The following ABCA10 variants were observed in gnomAD, a reference collection of about 807,000 sequenced individuals.
The protein encoded by ABCA10 is ATP binding cassette subfamily A member 10.
A neutral mutation model predicts 187.5 loss-of-function variants in ABCA10; 169 were observed. That is an observed-to-expected ratio of 0.90 (90% CI 0.80 to 1.02). The LOEUF (loss-of-function observed/expected upper bound fraction) is 1.02, where lower values mean the gene tolerates loss of function less well. Among genes scored for constraint, ABCA10 ranks in the 50% least tolerant of loss-of-function variants. The pLI, the probability that ABCA10 is intolerant of heterozygous loss-of-function variation, is 0.00. For missense variants in ABCA10, 1,727 were observed against 1,812.4 expected (o/e 0.95, Z 0.86); for synonymous variants, 574 against 601.8 (o/e 0.95, Z 0.68).
intron 27 of ABCA10, among the ~76,000 whole-genome samples, chr17:69,162,027 G>C (rs1642619957): frequency 6.6e-6 from 1 of 152,186 alleles, no homozygotes; most frequent in Admixed American, 6.5e-5. Flanking sequence ...ACAATTAACA[G>C]CAGAAACAAT....
At chr17:69,179,205 C>CA (rs5821701) in intron 22 of ABCA10, among the ~76,000 whole-genome samples, 97,129 of 147,900 alleles carry the variant, frequency 0.66, 32,315 homozygotes, top group Middle Eastern at 0.73. Flanking sequence ...AAAAACAAAA[C>CA]AAACAAAAAA....
intron 1 of ABCA10, among the ~76,000 whole-genome samples, chr17:69,237,168 A>G (rs1215247956): frequency 1.3e-5 from 2 of 152,222 alleles, no homozygotes; most frequent in East Asian, 1.9e-4. Context: ...CTTACGTTCT[A>G]TGAAATGACC....
exon 1 of ABCA10, chr17:69,244,709 T>A (rs910440333): frequency 2.6e-5 from 4 of 151,438 alleles, no homozygotes; most frequent in Non-Finnish European, 5.9e-5. Context: ...AAAAATACAG[T>A]ATGGTATTTT....
At chr17:69,217,083 T>TA (rs2074711901) in intron 6 of ABCA10, among the ~76,000 whole-genome samples, 1 of 151,748 alleles carries the variant, frequency 6.6e-6, no homozygotes. Context: ...CCATCTCTAC[T>TA]AAAAATACAA....
chr17:69,175,564 C>A, intron 22 of ABCA10, 51 bp from the exon 23 acceptor site: 2 of 1,392,424 alleles, frequency 1.4e-6, no homozygotes, highest in South Asian at 1.3e-5. Context: ...ACAAATTATA[C>A]AAACATTATA....
At chr17:69,233,669 AGT>A (rs1017889387), upstream of ABCA10, 4 of 152,292 alleles carry the variant, frequency 2.6e-5, no homozygotes, top group Admixed American at 6.5e-5. Flanking sequence ...CATTTATTCT[AGT>A]TTCCCCAATC....
intron 18 of ABCA10, 62 bp downstream of exon 18, chr17:69,190,296 A>G: frequency 6.8e-7 from 1 of 1,470,750 alleles, no homozygotes; most frequent in South Asian, 1.4e-5. Flanking sequence ...TATGAATTAG[A>G]ACATCATCTT....
chr17:69,165,042 A>G lies in ABCA10; in HGVS notation c.3204T>C (p.Tyr1068=). 1.3e-6 allele frequency: 2 copies of G among 1,597,126 alleles called. No individual in the cohort carries two copies. The highest frequency in any genetic ancestry group is 1.7e-6 in the Non-Finnish European group (2 of 1,164,780). ...TGCACAAAATTAAGTTGAGTTTTTC[A>G]TATTGAGTTGATACCATAATTGTGG... ...CVSTIMVSTQ[Y]EKLNLILCMI... The change falls in exon 26 of 39, where the codon TAT becomes TAC. Residue 1068 remains tyrosine (Y), a synonymous_variant. Coordinates refer to ENST00000690296, the MANE Select transcript of ABCA10 (RefSeq NM_001377321.1).
intron 1 of ABCA10, among the ~76,000 whole-genome samples, chr17:69,237,023 T>G (rs1168061909): frequency 1.3e-5 from 2 of 152,218 alleles, no homozygotes; most frequent in Non-Finnish European, 2.9e-5. Flanking sequence ...CAAAAGTTAT[T>G]ATTTTCTGGT....
Position 69,149,985 on chromosome 17 carries a change from C to T in ABCA10, c.4476G>A (p.Ala1492=), listed in dbSNP as rs762539015. The T allele has an allele frequency of 3.7e-6, 6 of 1,606,788 alleles. No individual in the cohort carries two copies. The highest frequency in any genetic ancestry group is 1.7e-4 in the Middle Eastern group (1 of 6,034). ...TTATTTATATATACCCAAACTTACT[C>T]GCCTCTAACTTGAAAAAGGCCCGAG... ...PLSRAFFKLE[A]MKQTFNLEEY... is the part of the protein sequence containing the mutation. Residue 1492 remains alanine (A), a splice_region_variant and synonymous_variant, in exon 37 of 39, where the codon GCG becomes GCA. Transcript: ENST00000690296.
chr17:69,155,252 G>A (rs1031266142), intron 29 of ABCA10, 116 bp from the exon 30 acceptor site: 2 of 744,152 alleles, frequency 2.7e-6, no homozygotes, highest in Admixed American at 2.8e-5. Context: ...CCAGGCTGAA[G>A]AGCTTTAGCC....
At chr17:69,157,872 T>C (rs1400081624) in intron 27 of ABCA10, among the ~76,000 whole-genome samples, 1 of 152,064 alleles carries the variant, frequency 6.6e-6, no homozygotes, top group Non-Finnish European at 1.5e-5. Flanking sequence ...ATAAATATTT[T>C]AGAAAATAAT....
At chr17:69,231,117 C>CA (rs905696409), upstream of ABCA10, among the ~76,000 whole-genome samples, 11 of 152,040 alleles carry the variant, frequency 7.2e-5, no homozygotes, top group African/African-American at 2.7e-4. Context: ...TCCGGAAGTC[C>CA]AAAAATCATT....
At position 69,148,783 on chromosome 17, in the gene ABCA10, C is replaced by CTAA; in HGVS notation, c.*43_*44insTTA. On this transcript the variant is annotated 3_prime_UTR_variant, in exon 39 of 39. Coordinates refer to ENST00000690296, the MANE Select transcript of ABCA10 (RefSeq NM_001377321.1). ...ATTCTTGTAGAATTATGGAAACTAACAATGTAGTAGGACCTAAAATTGAAT... is the reference window on the plus strand; with the variant it reads ...ATTCTTGTAGAATTATGGAAACTAACTAAAATGTAGTAGGACCTAAAATTGAAT... 1 of 1,452,106 alleles carries CTAA rather than the reference C, an allele frequency of 6.9e-7. No homozygotes were observed. Among genetic ancestry groups the CTAA allele is most frequent in the Non-Finnish European group, 9.6e-7 (1 of 1,046,880 alleles). The allele number at this position is 1,452,106 out of a possible 1,614,324, so 90.0% of individuals were successfully genotyped here.
chr17:69,220,046 T>C (rs758356672), intron 5 of ABCA10, among the ~76,000 whole-genome samples: 4 of 152,190 alleles, frequency 2.6e-5, no homozygotes, highest in Admixed American at 6.5e-5. Flanking sequence ...TTCATTCTCA[T>C]AGAGATTTAC....
chr17:69,218,934 T>C (rs972745875), intron 6 of ABCA10, among the ~76,000 whole-genome samples: 9 of 152,250 alleles, frequency 5.9e-5, no homozygotes, highest in African/African-American at 2.2e-4. Flanking sequence ...TGTCACTAAA[T>C]GTGAGGTTGT....
In ABCA10 at chr17:69,152,488, A is replaced by C. The variant is rs1046802897; in HGVS notation, c.4137-7T>G. ...GGTAGCCTGAAGTATCTGCCTAAAGATAAAGTAAGGGATTGTTTGCATTTA... is the reference window on the plus strand; with the variant it reads ...GGTAGCCTGAAGTATCTGCCTAAAGCTAAAGTAAGGGATTGTTTGCATTTA... On this transcript the variant is annotated splice_polypyrimidine_tract_variant and splice_region_variant and intron_variant, in intron 34 of 38. Transcript: ENST00000690296. 2 of 1,605,910 alleles carry C rather than the reference A, an allele frequency of 1.2e-6. No individual in the cohort carries two copies. The highest frequency in any genetic ancestry group is 2.2e-5 in the South Asian group (2 of 89,416).
chr17:69,233,478 T>C (rs546195512), upstream of ABCA10: 1 of 152,348 alleles, frequency 6.6e-6, no homozygotes, highest in South Asian at 2.1e-4. Flanking sequence ...TGTATATTCT[T>C]GAAGTTCATT....
At chr17:69,210,626 T>C (rs1232987551) in intron 9 of ABCA10, among the ~76,000 whole-genome samples, 1 of 151,946 alleles carries the variant, frequency 6.6e-6, no homozygotes, top group Non-Finnish European at 1.5e-5. Flanking sequence ...TGCTTTTGCA[T>C]CCTCATAGCT....
Sources: gnomAD v4.1 joint callset for allele counts (sites outside exome capture counted in the v4.1 genomes callset) on GRCh38, gnomAD v4.1.1 for gene constraint, MANE v1.5 for transcripts, NCBI Gene and HGNC (gene_info 2026-07-23, HGNC 2026-07-21) for gene names.